NELL1: variants seen among roughly 807,000 people sequenced by gnomAD.
The protein encoded by NELL1 is neural EGFL like 1, also known as protein kinase C-binding protein NELL1.
A neutral mutation model predicts 107.4 loss-of-function variants in NELL1; 76 were observed. The ratio of observed to expected loss-of-function variants is 0.71; its 90% CI spans 0.59 to 0.86. NELL1 has a LOEUF of 0.86. Among genes scored for constraint, NELL1 ranks in the 40% least tolerant of loss-of-function variants. The probability of loss-of-function intolerance (pLI) is 0.00; values close to 1 mark genes in which losing one functional copy is unlikely to be tolerated. For synonymous variants in NELL1, 353 were observed against 341.2 expected (o/e 1.03, Z -0.38); for missense variants, 1,024 against 1,005.5 (o/e 1.02, Z -0.25).
rs11025884 is a variant in NELL1 at position 21,039,497 on chromosome 11, T to C, written c.1301-74092T>C. The stretch of plus-strand genomic sequence containing the variant: ...CACCACACCTGGCCAGGAATTTTTC[T>C]TTTTAAAGTTTATGTTTACTCTGTC... On this transcript the variant is annotated intron_variant, in intron 12 of 19. Coordinates refer to ENST00000357134, the MANE Select transcript of NELL1 (RefSeq NM_006157.5). Among the ~76,000 whole-genome samples, 498 of 152,268 alleles carry C rather than the reference T, an allele frequency of 3.3e-3. 4 individuals are homozygous for C. The highest frequency in any genetic ancestry group is 0.011 in the African/African-American group (477 of 41,572).
chr11:20,910,035 T>A (rs1409283382), intron 5 of NELL1, among the ~76,000 whole-genome samples: 1 of 152,108 alleles, frequency 6.6e-6, no homozygotes, highest in Non-Finnish European at 1.5e-5. Flanking sequence ...GGATCGGTCT[T>A]GGTTGATCCC....
At chr11:21,496,466 G>A (rs947203342) in intron 15 of NELL1, among the ~76,000 whole-genome samples, 24 of 147,822 alleles carry the variant, frequency 1.6e-4, no homozygotes, top group African/African-American at 5.5e-4. Context: ...CTGGAGTGCA[G>A]TGGCATGGTC....
intron 14 of NELL1, among the ~76,000 whole-genome samples, chr11:21,308,699 A>G (rs1849662115): frequency 2.0e-5 from 3 of 151,998 alleles, no homozygotes; most frequent in Admixed American, 2.0e-4. Context: ...CAATTCTTCA[A>G]CTTTACTTTG....
At chr11:21,189,729 A>G (rs192193719) in intron 13 of NELL1, among the ~76,000 whole-genome samples, 11 of 149,900 alleles carry the variant, frequency 7.3e-5, no homozygotes, top group Admixed American at 3.3e-4. Flanking sequence ...TAAGAATTAA[A>G]TATTACTTGG....
At position 20,895,797 on chromosome 11, in the gene NELL1, C is replaced by A. The variant is rs191947729; in HGVS notation, c.603+10257C>A. Among the ~76,000 whole-genome samples, 585 of 152,136 alleles carry A rather than the reference C, an allele frequency of 3.8e-3. 6 individuals are homozygous for A. The highest frequency in any genetic ancestry group is 0.014 in the African/African-American group (569 of 41,510). ...CTGGGATTACAGGCCTGAGCCACTGCGCCTGGCCAGATACTTGCCTTTTTT... is the reference window on the plus strand; with the variant it reads ...CTGGGATTACAGGCCTGAGCCACTGAGCCTGGCCAGATACTTGCCTTTTTT... On this transcript the variant is annotated intron_variant, in intron 5 of 19. Coordinates refer to ENST00000357134, the MANE Select transcript of NELL1 (RefSeq NM_006157.5).
chr11:21,522,830 T>A (rs1228085897), intron 15 of NELL1, among the ~76,000 whole-genome samples: 2 of 129,268 alleles, frequency 1.5e-5, no homozygotes, highest in Non-Finnish European at 3.3e-5. Flanking sequence ...TATTTTTTTC[T>A]TTTCTTTTTT....
chr11:21,391,715 G>A (rs1379850747), intron 15 of NELL1, among the ~76,000 whole-genome samples: 1 of 151,672 alleles, frequency 6.6e-6, no homozygotes, highest in Non-Finnish European at 1.5e-5. Flanking sequence ...TGCAGTAATG[G>A]CTCACTGCAG....
Position 21,552,671 on chromosome 11 carries a change from G to A in NELL1, c.1787-7518G>A, listed in dbSNP as rs113408866. Among the ~76,000 whole-genome samples the A allele has an allele frequency of 2.4e-3, 368 of 151,790 alleles. 2 individuals carry two copies. Among genetic ancestry groups the A allele is most frequent in the African/African-American group, 8.5e-3 (353 of 41,484 alleles). On this transcript the variant is annotated intron_variant, in intron 16 of 19. Coordinates refer to ENST00000357134, the MANE Select transcript of NELL1 (RefSeq NM_006157.5). ...GGGGCAGCCCCAGAGCTATTTTACC[G>A]AACCAGTTGTTTGTTTAGCATTTTA...
intron 13 of NELL1, among the ~76,000 whole-genome samples, chr11:21,217,478 T>C (rs1857644106): frequency 6.6e-6 from 1 of 152,084 alleles, no homozygotes; most frequent in African/African-American, 2.4e-5. Flanking sequence ...AAGTAAAAAA[T>C]TACCTACACT....
chr11:21,053,203 G>C (rs1308078882), intron 12 of NELL1, among the ~76,000 whole-genome samples: 3 of 152,028 alleles, frequency 2.0e-5, no homozygotes, highest in Non-Finnish European at 4.4e-5. Flanking sequence ...CGTGTGCCAT[G>C]GTGGTTTGTT....
At chr11:21,501,930 A>G (rs1161428091) in intron 15 of NELL1, among the ~76,000 whole-genome samples, 1 of 152,154 alleles carries the variant, frequency 6.6e-6, no homozygotes, top group Non-Finnish European at 1.5e-5. Context: ...CTGTTCTATT[A>G]CCACCCCTGG....
chr11:21,377,884 G>A (rs1172606160), intron 15 of NELL1, among the ~76,000 whole-genome samples: 2 of 151,942 alleles, frequency 1.3e-5, no homozygotes, highest in East Asian at 3.9e-4. Context: ...TGGTTGTAAT[G>A]TCATAGATCA....
chr11:20,891,271 A>T (rs1287187942), intron 5 of NELL1, among the ~76,000 whole-genome samples: 2 of 152,190 alleles, frequency 1.3e-5, no homozygotes, highest in Non-Finnish European at 2.9e-5. Context: ...TAAACTTCAT[A>T]AGAGAATGAG....
At chr11:21,270,989 A>G (rs1312280641) in intron 14 of NELL1, among the ~76,000 whole-genome samples, 1 of 152,062 alleles carries the variant, frequency 6.6e-6, no homozygotes, top group South Asian at 2.1e-4. Context: ...ATAAGATAAA[A>G]TTTTTCAAAA....
chr11:21,187,758 A>G (rs1381425098), intron 13 of NELL1, among the ~76,000 whole-genome samples: 1 of 151,748 alleles, frequency 6.6e-6, no homozygotes, highest in African/African-American at 2.4e-5. Context: ...GGCTATTCTA[A>G]TCTACCCAAT....
At chr11:20,817,509 T>G (rs1018268183) in intron 3 of NELL1, among the ~76,000 whole-genome samples, 1 of 152,122 alleles carries the variant, frequency 6.6e-6, no homozygotes, top group South Asian at 2.1e-4. Context: ...CTGTTTGTGC[T>G]TATTTGGATC....
At chr11:21,439,103 T>C (rs566997164) in intron 15 of NELL1, among the ~76,000 whole-genome samples, 2 of 151,444 alleles carry the variant, frequency 1.3e-5, no homozygotes, top group Admixed American at 1.3e-4. Context: ...AGGTGGGTGT[T>C]TGAGAAAACA....
chr11:20,945,599 T>C (rs1008582811), intron 10 of NELL1, among the ~76,000 whole-genome samples: 2 of 152,176 alleles, frequency 1.3e-5, no homozygotes, highest in African/African-American at 4.8e-5. Flanking sequence ...AATATATTAA[T>C]ATTGAAGGAT....
intron 4 of NELL1, among the ~76,000 whole-genome samples, chr11:20,859,843 T>A (rs1359473454): frequency 1.3e-5 from 2 of 152,102 alleles, no homozygotes; most frequent in Admixed American, 6.5e-5. Context: ...GTAATTTTCA[T>A]GGATGGCAAT....
Sources: gnomAD v4.1 joint callset for allele counts (sites outside exome capture counted in the v4.1 genomes callset) on GRCh38, gnomAD v4.1.1 for gene constraint, MANE v1.5 for transcripts, NCBI Gene and HGNC (gene_info 2026-07-23, HGNC 2026-07-21) for gene names.